MGA: variants seen among roughly 807,000 people sequenced by gnomAD.
MGA encodes the protein MAX dimerization protein MGA.
A neutral mutation model predicts 261.1 loss-of-function variants in MGA; 40 were observed. The observed-to-expected ratio is 0.15, with a 90% CI of 0.12 to 0.20. The LOEUF is 0.20. MGA is among the 10% of genes least tolerant of loss of function. MGA has a pLI of 1.00. For synonymous variants in MGA, 1,302 were observed against 1,290.6 expected, an observed-to-expected ratio of 1.01 and a Z score of -0.19; for missense variants, 3,397 against 3,630.5, an observed-to-expected ratio of 0.94 and a Z score of 1.65.
In MGA at chr15:41,713,490, G is replaced by A; in HGVS notation, c.3424G>A (p.Glu1142Lys). Residue 1142 changes from glutamate (E) to lysine (K), a missense_variant, in exon 9 of 24, where the codon GAA becomes AAA. Transcript: ENST00000219905. ...AGAGAAAAAGAAGAGAAAGAAGCTA[G>A]AATACAGTGAGTATTAATTGAGAGT... The A allele has an allele frequency of 1.3e-6, 2 of 1,541,490 alleles. No individual in the cohort carries two copies. Among genetic ancestry groups the A allele is most frequent in the Non-Finnish European group, 8.7e-7 (1 of 1,145,344 alleles).
chr15:41,762,461 G>GTTTTTTTTTTTTTTTTTTTT lies in MGA; in HGVS notation c.7744+110_7744+129dup, dbSNP rs34069193. On this transcript the variant is annotated intron_variant, in intron 22 of 23. Coordinates refer to ENST00000219905, the MANE Select transcript of MGA (RefSeq NM_001164273.2). ...TTGTCCACATTTTTAGTTTTGTGTG[G>GTTTTTTTTTTTTTTTTTTTT]TTTTTTTTTTTTTTTTTTTTTTTTT... is the stretch of plus-strand genomic sequence containing the variant. The GTTTTTTTTTTTTTTTTTTTT allele has an allele frequency of 2.2e-4, 30 of 138,446 alleles. 5 individuals carry two copies. The highest frequency in any genetic ancestry group is 3.5e-4 in the Admixed American group (2 of 5,638). The allele number at this position is 138,446 out of a possible 1,614,324, so 8.6% of individuals were successfully genotyped here. A position where few individuals can be genotyped will look rare whatever the true frequency, so the allele number is the denominator to read the frequency against.
intron 1 of MGA, among the ~76,000 whole-genome samples, chr15:41,668,405 A>C (rs2057877067): frequency 6.6e-6 from 1 of 152,180 alleles, no homozygotes; most frequent in Non-Finnish European, 1.5e-5. Context: ...TTACTTATTT[A>C]ATTTACTCAT....
chr15:41,649,877 C>T (rs570190115), intron 1 of MGA, among the ~76,000 whole-genome samples: 2 of 152,248 alleles, frequency 1.3e-5, no homozygotes, highest in African/African-American at 2.4e-5. Context: ...GACGGGGTTT[C>T]GCCATGTTGG....
At position 41,707,872 on chromosome 15, in the gene MGA, C is replaced by A. The variant is rs532922890; in HGVS notation, c.2320+13C>A. On this transcript the variant is annotated intron_variant, in intron 6 of 23. Transcript: ENST00000219905. ...CCTGCCTCTCCTGGTGAGTATGTAA[C>A]ATTTGTAAAGTCAAACACTATTTTT... is the stretch of plus-strand genomic sequence containing the variant. 23 of 1,595,806 alleles carry A rather than the reference C, an allele frequency of 1.4e-5. No homozygotes were observed. The East Asian group carries it at 4.9e-4, about 34-fold the overall frequency.
At chr15:41,656,464 C>T (rs929831508), upstream of MGA, among the ~76,000 whole-genome samples, 2 of 151,522 alleles carry the variant, frequency 1.3e-5, no homozygotes, top group African/African-American at 4.8e-5. Context: ...ACCTCACCCT[C>T]CTGAGTGGCT....
chr15:41,760,237 C>A, intron 19 of MGA, 86 bp from the exon 20 acceptor site: 1 of 1,274,100 alleles, frequency 7.8e-7, no homozygotes, highest in Non-Finnish European at 1.1e-6. Flanking sequence ...GTAATGAGTG[C>A]CTGAAATAGG....
intron 2 of MGA, among the ~76,000 whole-genome samples, chr15:41,681,167 T>C (rs907376574): frequency 1.3e-5 from 2 of 152,196 alleles, no homozygotes; most frequent in East Asian, 3.8e-4. Flanking sequence ...AAACCACTTA[T>C]GATGAAAAAT....
chr15:41,750,026 T>A lies in MGA; in HGVS notation c.6419T>A (p.Phe2140Tyr). ...GTCACCTTTAAGGAAGAAAGTAAAT[T>A]TGAATTGTCAGGAAGCAAAGTTATG... Residue 2140 changes from phenylalanine (F) to tyrosine (Y), a missense_variant, in exon 17 of 24, where the codon TTT (phenylalanine) becomes TAT (tyrosine). Phe to Tyr is a conservative substitution (Grantham distance 22). Transcript: ENST00000219905. 1 of 1,613,092 alleles carries A rather than the reference T, an allele frequency of 6.2e-7. No homozygotes were observed.
chr15:41,762,461 G>GGT, intron 22 of MGA, 99 bp downstream of exon 22: 1 of 136,018 alleles, frequency 7.4e-6, no homozygotes, highest in Non-Finnish European at 1.3e-5. Context: ...GTTTTGTGTG[G>GGT]TTTTTTTTTT....
intron 5 of MGA, among the ~76,000 whole-genome samples, chr15:41,706,430 A>G (rs1595803984): frequency 1.3e-5 from 2 of 151,006 alleles, no homozygotes; most frequent in East Asian, 2.0e-4. Context: ...TTTTGTTCAG[A>G]TAGATTTTAT....
At chr15:41,631,797 CT>C (rs979016272) in intron 1 of MGA, among the ~76,000 whole-genome samples, 21 of 151,780 alleles carry the variant, frequency 1.4e-4, no homozygotes, top group African/African-American at 3.9e-4. Context: ...ATAAAAGTGG[CT>C]TTTTTTTGAG....
At chr15:41,631,925 A>G (rs962871437) in intron 1 of MGA, among the ~76,000 whole-genome samples, 3 of 152,054 alleles carry the variant, frequency 2.0e-5, no homozygotes, top group Non-Finnish European at 4.4e-5. Context: ...TTTTTAGCTC[A>G]GATACATTTA....
rs545831193 is a variant in MGA at position 41,715,025 on chromosome 15, T to C, written c.3430+1529T>C. 6.6e-5 allele frequency among the ~76,000 whole-genome samples: 10 copies of C among 152,244 alleles called. 1 individual carries two copies. In the South Asian group the frequency reaches 2.1e-3, roughly 32 times the overall value. On this transcript the variant is annotated intron_variant, in intron 9 of 23. Transcript: ENST00000219905. The stretch of plus-strand genomic sequence containing the variant: ...CTTTATATTTTCTAGGTTATAATTT[T>C]GTAATTTACATTTTCGTTTTGTTCA...
Position 41,713,203 on chromosome 15 carries a change from C to T in MGA, c.3137C>T (p.Pro1046Leu), listed in dbSNP as rs1265236875. 1 of 1,613,978 alleles carries T rather than the reference C, an allele frequency of 6.2e-7. No homozygotes were observed. Among genetic ancestry groups the T allele is most frequent in the Non-Finnish European group, 8.5e-7 (1 of 1,179,900 alleles). The change falls in exon 9 of 24, where the codon CCC becomes CTC. Residue 1046 changes from proline to leucine, a missense_variant. This residue lies in a region of MGA where 519 missense variants were observed against 554.1 expected (regional missense o/e 0.94). Transcript: ENST00000219905. ...ACAATCATAAGGAAACGAGCCCCTCCCTGCAACAATGACTTCTGTCGACTG... is the reference window on the plus strand; with the variant it reads ...ACAATCATAAGGAAACGAGCCCCTCTCTGCAACAATGACTTCTGTCGACTG...
rs1024051119 is a variant in MGA at position 41,711,005 on chromosome 15, T to C, written c.2740T>C (p.Ser914Pro). Residue 914 changes from serine (S) to proline (P), a missense_variant, in exon 8 of 24, where the codon TCT (serine) becomes CCT (proline). Ser to Pro is a moderately conservative substitution (Grantham distance 74). Around this residue, in one of 9 missense-constraint regions of MGA, gnomAD observed 519 missense variants for 554.1 expected, o/e 0.94. Coordinates refer to ENST00000219905, the MANE Select transcript of MGA (RefSeq NM_001164273.2). Reference sequence around the variant, plus strand: ...AACTTTCAGTGGCCGAACTAAATCATCTTATAAATCCATTTTACCATACCC... The same window carrying C: ...AACTTTCAGTGGCCGAACTAAATCACCTTATAAATCCATTTTACCATACCC... 1.2e-6 allele frequency: 2 copies of C among 1,613,992 alleles called. No individual in the cohort carries two copies. The highest frequency in any genetic ancestry group is 2.2e-5 in the East Asian group (1 of 44,888).
At chr15:41,624,180 T>G (rs1282931778) in intron 1 of MGA, among the ~76,000 whole-genome samples, 1 of 151,966 alleles carries the variant, frequency 6.6e-6, no homozygotes, top group Non-Finnish European at 1.5e-5. Context: ...TTCTCCTGCC[T>G]CAGCCTCCCA....
At position 41,766,961 on chromosome 15, in the gene MGA, G is replaced by A; in HGVS notation, c.8879G>A (p.Ser2960Asn). Reference sequence around the variant, plus strand: ...TCTGGCCTCCCTGCAGAGCCCGAAAGTGTGTCCTCACCCCCCACCCTACAC... The same window carrying A: ...TCTGGCCTCCCTGCAGAGCCCGAAAATGTGTCCTCACCCCCCACCCTACAC... Residue 2960 changes from serine to asparagine, a missense_variant, in exon 24 of 24, where the codon AGT becomes AAT. Coordinates refer to ENST00000219905, the MANE Select transcript of MGA (RefSeq NM_001164273.2). 6.2e-7 allele frequency: 1 copy of A among 1,614,036 alleles called. No individual in the cohort carries two copies. The highest frequency in any genetic ancestry group is 8.5e-7 in the Non-Finnish European group (1 of 1,179,896).
At chr15:41,754,831 G>C (rs1431702382) in intron 18 of MGA, among the ~76,000 whole-genome samples, 1 of 152,130 alleles carries the variant, frequency 6.6e-6, no homozygotes, top group Admixed American at 6.5e-5. Flanking sequence ...TTGCTAGTTT[G>C]TAGGTATTTA....
In MGA at chr15:41,766,271, T is replaced by C. The variant is rs771108324; in HGVS notation, c.8189T>C (p.Ile2730Thr). 3.7e-6 allele frequency: 6 copies of C among 1,613,946 alleles called. No homozygotes were observed. The East Asian group carries it at 1.1e-4, about 30-fold the overall frequency. The change falls in exon 24 of 24, where the codon ATA becomes ACA. Residue 2730 changes from isoleucine to threonine, a missense_variant. Ile to Thr is a moderately conservative substitution (Grantham distance 89, BLOSUM62 -1). This residue lies in a region of MGA where 647 missense variants were observed against 642.4 expected (regional missense o/e 1.01). Transcript: ENST00000219905. ...AACAAAGATTCTGGTTATCCACAAA[T>C]AGTTGACGTTTCCAATATGCAGAAA...
Sources: gnomAD v4.1 joint callset for allele counts (sites outside exome capture counted in the v4.1 genomes callset) on GRCh38, gnomAD v4.1.1 for gene constraint, gnomAD v4.1.1 regional missense constraint, MANE v1.5 for transcripts, NCBI Gene and HGNC (gene_info 2026-07-23, HGNC 2026-07-21) for gene names.